DHX8: variants seen among roughly 807,000 people sequenced by gnomAD.
DHX8 encodes ATP-dependent RNA helicase DHX8.
In DHX8, 67 loss-of-function variants were observed where a neutral mutation model predicts 140.7. The ratio of observed to expected loss-of-function variants is 0.48; its 90% CI spans 0.39 to 0.58. The LOEUF (loss-of-function observed/expected upper bound fraction) is 0.58, where lower values mean the gene tolerates loss of function less well. Ranked by LOEUF, DHX8 falls within the 20% of genes least tolerant of loss-of-function variation. DHX8 has a pLI of 0.00. For missense variants in DHX8, 887 were observed against 1,550.7 expected (o/e 0.57, Z 7.19); for synonymous variants, 533 against 553.2 (o/e 0.96, Z 0.51).
intron 17 of DHX8, 94 bp from the exon 18 acceptor site, chr17:43,517,073 A>C: frequency 3.7e-6 from 5 of 1,343,288 alleles, no homozygotes; most frequent in Non-Finnish European, 4.0e-6. Flanking sequence ...TGATTTTGCC[A>C]GTTGTTAATT....
chr17:43,539,088 G>C (rs7222604), intron 3 of DHX8, among the ~76,000 whole-genome samples: 104,704 of 152,124 alleles, frequency 0.69, 37,657 homozygotes, highest in African/African-American at 0.91. Flanking sequence ...CTCCACCTAG[G>C]TGTCACAGTG....
intron 3 of DHX8, among the ~76,000 whole-genome samples, chr17:43,537,634 T>G (rs965170171): frequency 6.6e-6 from 1 of 152,010 alleles, no homozygotes; most frequent in Non-Finnish European, 1.5e-5. Context: ...AGGCAGAGGT[T>G]GCAGTCAGCT....
rs749640468 is a variant in DHX8 at position 43,496,287 on chromosome 17, C to T, written c.1300+19C>T. On this transcript the variant is annotated intron_variant, in intron 9 of 22. Coordinates refer to ENST00000262415, the MANE Select transcript of DHX8 (RefSeq NM_004941.3). ...GAAGAAGGTAACTAGTCAGTTGGAT[C>T]GAGAAGGGTAATTGGCAAGTTGAGC... is the stretch of plus-strand genomic sequence containing the variant. The T allele has an allele frequency of 1.5e-5, 23 of 1,578,538 alleles. No individual in the cohort carries two copies. Among genetic ancestry groups the T allele is most frequent in the South Asian group, 2.2e-5 (2 of 89,372 alleles).
intron 16 of DHX8, 103 bp downstream of exon 16, chr17:43,508,623 T>G (rs2154586663): frequency 1.5e-6 from 1 of 669,414 alleles, no homozygotes; most frequent in Admixed American, 3.6e-5. Flanking sequence ...CAAGTCTTTT[T>G]TTTTTTTTTT....
chr17:43,504,606 C>A, intron 11 of DHX8, 38 bp from the exon 12 acceptor site: 1 of 1,568,862 alleles, frequency 6.4e-7, no homozygotes, highest in Non-Finnish European at 8.6e-7. Flanking sequence ...CTTGAGGTAG[C>A]TTGAGGACAA....
intron 9 of DHX8, among the ~76,000 whole-genome samples, chr17:43,497,149 T>G (rs1968907972): frequency 6.6e-6 from 1 of 152,216 alleles, no homozygotes; most frequent in Non-Finnish European, 1.5e-5. Context: ...TTCTTTAGTT[T>G]TACCATCTAC....
intron 2 of DHX8, chr17:43,536,399 A>G (rs1361055990): frequency 1.9e-6 from 3 of 1,606,732 alleles, no homozygotes; most frequent in Non-Finnish European, 2.6e-6. Flanking sequence ...CACTCCCTAT[A>G]CCCTCTCCCC....
chr17:43,536,433 T>A, exon 3 of DHX8: 1 of 1,614,214 alleles, frequency 6.2e-7, no homozygotes, highest in South Asian at 1.1e-5. Context: ...CACGGTTTTC[T>A]GAATGGAAAT....
In DHX8 at chr17:43,513,397, G is replaced by A. The variant is rs1354434651; in HGVS notation, c.2538G>A (p.Leu846=). 6 of 1,613,410 alleles carry A rather than the reference G, an allele frequency of 3.7e-6. No homozygotes were observed. Among genetic ancestry groups the A allele is most frequent in the Non-Finnish European group, 5.1e-6 (6 of 1,179,768 alleles). ...VIATNIAETS[L]TIDGIYYVVD... ...CCACCAATATCGCAGAGACATCGCTGACTATTGATGGTATCTACTATGTGG... is the reference window on the plus strand; with the variant it reads ...CCACCAATATCGCAGAGACATCGCTAACTATTGATGGTATCTACTATGTGG... The change falls in exon 17 of 23, where the codon CTG becomes CTA. Residue 846 remains leucine, a synonymous_variant. Transcript: ENST00000262415.
At chr17:43,507,296 GT>G (rs1469584752) in intron 13 of DHX8, 99 bp downstream of exon 13, 2 of 1,375,788 alleles carry the variant, frequency 1.5e-6, no homozygotes, top group Non-Finnish European at 2.0e-6. Context: ...CTTTTTTCAG[GT>G]TTCTCCTGAG....
At position 43,525,165 on chromosome 17, in the gene DHX8, C is replaced by T. The variant is rs1485166164; in HGVS notation, c.*1318C>T. On this transcript the variant is annotated 3_prime_UTR_variant, in exon 23 of 23. Coordinates refer to ENST00000262415, the MANE Select transcript of DHX8 (RefSeq NM_004941.3). ...GCCAGGTTTCGGAACTTACGGAAAG[C>T]TGGTCTGGATGTAGTGCTTGTAGAG... The T allele has an allele frequency of 6.1e-6, 6 of 985,344 alleles. No individual in the cohort carries two copies. The African/African-American group carries it at 1.0e-4, about 17-fold the overall frequency. The allele number at this position is 985,344 out of a possible 1,614,324, so 61.0% of individuals were successfully genotyped here.
At chr17:43,494,462 G>A (rs8075336) in intron 8 of DHX8, among the ~76,000 whole-genome samples, 21 of 152,026 alleles carry the variant, frequency 1.4e-4, no homozygotes, top group African/African-American at 4.1e-4. Context: ...TGGCTCACAC[G>A]TGTAATCCCA....
At chr17:43,526,827 G>GT, downstream of DHX8, 1 of 594,412 alleles carries the variant, frequency 1.7e-6, no homozygotes, top group Non-Finnish European at 2.6e-6. Context: ...ACTAAATTAT[G>GT]TCAGTACATT....
downstream of DHX8, chr17:43,526,516 T>G: frequency 6.5e-7 from 1 of 1,535,680 alleles, no homozygotes; most frequent in Non-Finnish European, 8.7e-7. Context: ...TTCCTCCCTG[T>G]GGTTGCTGTA....
At chr17:43,532,864 G>A in intron 2 of DHX8, 3 of 1,610,922 alleles carry the variant, frequency 1.9e-6, no homozygotes, top group Non-Finnish European at 2.5e-6. Flanking sequence ...GTTGGTAGGG[G>A]GCTGGGAGGG....
chr17:43,513,283 A>G (rs1322811504), intron 16 of DHX8, 79 bp from the exon 17 acceptor site: 7 of 1,472,052 alleles, frequency 4.8e-6, no homozygotes, highest in African/African-American at 1.4e-5. Flanking sequence ...TTGGGAAGAT[A>G]TCTGGGTTCA....
intron 2 of DHX8, 21 bp from the exon 3 acceptor site, chr17:43,490,370 G>T (rs779158847): frequency 6.2e-7 from 1 of 1,607,096 alleles, no homozygotes; most frequent in African/African-American, 1.3e-5. Flanking sequence ...GACAATTTTC[G>T]TTCTATGTTT....
In DHX8 at chr17:43,523,618, C is replaced by A. The variant is rs57190812; in HGVS notation, c.3444-10C>A. The A allele has an allele frequency of 1.2e-6, 2 of 1,613,576 alleles. No homozygotes were observed. The highest frequency in any genetic ancestry group is 1.7e-6 in the Non-Finnish European group (2 of 1,179,820). ...CCAGAGGCTTGAGTACTATCTCTGTCCCCCCTCAGGGTGGTGTACCATGAG... is the reference window on the plus strand; with the variant it reads ...CCAGAGGCTTGAGTACTATCTCTGTACCCCCTCAGGGTGGTGTACCATGAG... On this transcript the variant is annotated splice_polypyrimidine_tract_variant and intron_variant, in intron 22 of 22. Coordinates refer to ENST00000262415, the MANE Select transcript of DHX8 (RefSeq NM_004941.3).
At chr17:43,516,849 G>C (rs1034585670) in intron 17 of DHX8, among the ~76,000 whole-genome samples, 13 of 152,194 alleles carry the variant, frequency 8.5e-5, no homozygotes, top group Admixed American at 3.3e-4. Context: ...TGGGGATGGT[G>C]TTCTGTCATC....
Sources: gnomAD v4.1 joint callset for allele counts (sites outside exome capture counted in the v4.1 genomes callset) on GRCh38, gnomAD v4.1.1 for gene constraint, MANE v1.5 for transcripts, NCBI Gene and HGNC (gene_info 2026-07-23, HGNC 2026-07-21) for gene names.